Variants in SGCG observed in about 807,000 individuals in gnomAD.
The protein encoded by SGCG is gamma-sarcoglycan.
SGCG carries 26 observed loss-of-function variants against 29.3 expected under a neutral mutation model. That is an observed-to-expected ratio of 0.89 (90% confidence interval 0.65 to 1.23). The LOEUF (loss-of-function observed/expected upper bound fraction) is 1.23, where lower values mean the gene tolerates loss of function less well. Among genes scored for constraint, SGCG ranks in the 50% most tolerant of loss-of-function variants. SGCG has a pLI of 0.00. For synonymous variants in SGCG, 145 were observed against 129.7 expected (o/e 1.12, Z -0.80); for missense variants, 353 against 356.0 (o/e 0.99, Z 0.07).
chr13:23,276,108 T>A (rs1881056881), intron 4 of SGCG, among the ~76,000 whole-genome samples: 2 of 152,142 alleles, frequency 1.3e-5, no homozygotes. Context: ...AAGGTAGAAT[T>A]TAAATTTTAT....
chr13:23,204,484 C>G (rs1001209855), intron 2 of SGCG, among the ~76,000 whole-genome samples: 1 of 152,146 alleles, frequency 6.6e-6, no homozygotes, highest in East Asian at 1.9e-4. Context: ...CTTAATTTTA[C>G]AAGATAGCTG....
At chr13:23,232,612 C>A (rs1879153757) in intron 2 of SGCG, among the ~76,000 whole-genome samples, 1 of 152,054 alleles carries the variant, frequency 6.6e-6, no homozygotes, top group Admixed American at 6.6e-5. Context: ...GAAACCCTGT[C>A]TCTATTAAAA....
chr13:23,242,830 A>G (rs988402594), intron 3 of SGCG, among the ~76,000 whole-genome samples: 14 of 152,164 alleles, frequency 9.2e-5, no homozygotes, highest in African/African-American at 3.1e-4. Context: ...TACATAGTAT[A>G]TTTATATTTT....
At chr13:23,235,582 A>G (rs1879278992) in intron 3 of SGCG, among the ~76,000 whole-genome samples, 1 of 152,222 alleles carries the variant, frequency 6.6e-6, no homozygotes, top group Non-Finnish European at 1.5e-5. Flanking sequence ...AAGTGCAAAT[A>G]CGTTCAAACA....
intron 2 of SGCG, among the ~76,000 whole-genome samples, chr13:23,210,560 G>A (rs979936147): frequency 7.2e-5 from 11 of 151,960 alleles, no homozygotes; most frequent in African/African-American, 1.9e-4. Flanking sequence ...GCGTGGTGGC[G>A]GGCGCCTGTA....
At chr13:23,293,887 A>T (rs1031842857) in intron 5 of SGCG, among the ~76,000 whole-genome samples, 1 of 151,930 alleles carries the variant, frequency 6.6e-6, no homozygotes, top group Non-Finnish European at 1.5e-5. Context: ...GCCCAGGATG[A>T]GGATTTCTCA....
chr13:23,189,900 A>T (rs1040667178), intron 1 of SGCG, among the ~76,000 whole-genome samples: 8 of 152,190 alleles, frequency 5.3e-5, no homozygotes, highest in African/African-American at 1.9e-4. Flanking sequence ...TCAGGCTCAG[A>T]GCTGCACAAA....
chr13:23,271,510 C>T (rs572424384), intron 4 of SGCG, among the ~76,000 whole-genome samples: 5 of 152,200 alleles, frequency 3.3e-5, no homozygotes, highest in South Asian at 2.1e-4. Flanking sequence ...ATGCAGCCGG[C>T]GGGCTACAGG....
the SGCG span, among the ~76,000 whole-genome samples, chr13:23,160,550 C>T: frequency 6.6e-6 from 1 of 152,138 alleles, no homozygotes; most frequent in African/African-American, 2.4e-5. Flanking sequence ...GAGCAGAGGC[C>T]CGCGCTGTCT....
chr13:23,203,806 T>C lies in SGCG; in HGVS notation c.112T>C (p.Leu38=), dbSNP rs1800349. The part of the protein sequence containing the change: ...IYGWRKRCLY[L]FVLLLLIILV... Reference sequence around the variant, plus strand: ...TGGCTGGAGAAAGCGCTGTCTCTACTTGTTTGTTCTTCTTTTACTCATCAT... The same window carrying C: ...TGGCTGGAGAAAGCGCTGTCTCTACCTGTTTGTTCTTCTTTTACTCATCAT... The change falls in exon 2 of 8, where the codon TTG becomes CTG. Residue 38 remains leucine (L), a synonymous_variant. Transcript: ENST00000218867. The C allele has an allele frequency of 1.2e-6, 2 of 1,614,016 alleles. No homozygotes were observed. Among genetic ancestry groups the C allele is most frequent in the East Asian group, 2.2e-5 (1 of 44,878 alleles).
intron 4 of SGCG, chr13:23,268,289 A>G (rs1593208003): frequency 1.3e-5 from 2 of 152,308 alleles, no homozygotes; most frequent in Admixed American, 1.3e-4. Flanking sequence ...GTAGGAATCA[A>G]TGCTATAAAA....
At chr13:23,249,710 A>G (rs1264186051) in intron 3 of SGCG, among the ~76,000 whole-genome samples, 4 of 152,212 alleles carry the variant, frequency 2.6e-5, no homozygotes, top group Non-Finnish European at 4.4e-5. Flanking sequence ...CTTGGTAGAA[A>G]TGTGATCAAC....
intron 1 of SGCG, among the ~76,000 whole-genome samples, chr13:23,198,516 A>T (rs767705909): frequency 6.6e-5 from 10 of 152,100 alleles, no homozygotes; most frequent in Non-Finnish European, 1.2e-4. Context: ...AGGATTGAAA[A>T]CTATACCTGA....
chr13:23,299,431 TATATATATATATATATATA>T (rs1209634955), intron 6 of SGCG, among the ~76,000 whole-genome samples: 17 of 15,800 alleles, frequency 1.1e-3, no homozygotes, highest in African/African-American at 2.3e-3. Context: ...TATATATATA[TATATATATATATATATATA>T]TATATATTTT....
Position 23,320,751 on chromosome 13 carries a change from T to C in SGCG, c.693T>C (p.Ser231=). Residue 231 remains serine, a synonymous_variant, in exon 7 of 8, where the codon AGT becomes AGC. Transcript: ENST00000218867. ...AAATGGATATTCTTTTTCATAGTAGTGATGGAATGGTGAGTTCATTCACAG... is the reference window on the plus strand; with the variant it reads ...AAATGGATATTCTTTTTCATAGTAGCGATGGAATGGTGAGTTCATTCACAG... ...LSQMDILFHS[S]DGMLVLDAET... 6.2e-7 allele frequency: 1 copy of C among 1,613,716 alleles called. No homozygotes were observed. Among genetic ancestry groups the C allele is most frequent in the South Asian group, 1.1e-5 (1 of 91,064 alleles).
At chr13:23,202,970 T>G (rs532495709) in intron 1 of SGCG, among the ~76,000 whole-genome samples, 1 of 152,112 alleles carries the variant, frequency 6.6e-6, no homozygotes, top group South Asian at 2.1e-4. Flanking sequence ...TTTCTTTTTC[T>G]TTTTTTTGAG....
chr13:23,206,092 C>T (rs917440339), intron 2 of SGCG, among the ~76,000 whole-genome samples: 2 of 152,268 alleles, frequency 1.3e-5, no homozygotes, highest in South Asian at 2.1e-4. Context: ...TGTAAATTAA[C>T]GTATGCTTTA....
chr13:23,253,756 G>A (rs985828406), intron 4 of SGCG, among the ~76,000 whole-genome samples: 4 of 152,174 alleles, frequency 2.6e-5, no homozygotes, highest in African/African-American at 9.7e-5. Flanking sequence ...TCATGAGGGT[G>A]GATCCCTCTC....
At chr13:23,244,369 G>A (rs2137558313) in intron 3 of SGCG, 1 of 152,284 alleles carries the variant, frequency 6.6e-6, no homozygotes, top group Non-Finnish European at 1.5e-5. Context: ...CAAAAATGTT[G>A]CTTAATTCAT....
Sources: allele counts gnomAD v4.1 joint callset (sites outside exome capture counted in the v4.1 genomes callset), GRCh38; gene constraint gnomAD v4.1.1; transcripts MANE v1.5; gene names NCBI Gene and HGNC (gene_info 2026-07-23, HGNC 2026-07-21).